The following S100A13 variants were observed in gnomAD, a reference collection of about 807,000 sequenced individuals.
The protein encoded by S100A13 is S100 calcium binding protein A13, also known as protein S100-A13.
Under a neutral mutation model 8.2 loss-of-function variants are expected in S100A13, and 6 were observed. The ratio of observed to expected loss-of-function variants is 0.73; its 90% CI spans 0.40 to 1.44. The LOEUF is 1.44. Ranked by LOEUF, S100A13 falls within the 40% of genes most tolerant of loss-of-function variation. S100A13 has a pLI of 0.02. For synonymous variants in S100A13, 39 were observed against 45.9 expected (o/e 0.85, Z 0.61); for missense variants, 114 against 113.6 (o/e 1.00, Z -0.02).
chr1:153,623,658 C>A (rs138610048), intron 2 of S100A13, among the ~76,000 whole-genome samples: 498 of 152,160 alleles, frequency 3.3e-3, no homozygotes, highest in Non-Finnish European at 5.9e-3. Context: ...AAAGGGAGAA[C>A]GTGGAAAGAT....
chr1:153,623,331 C>A (rs1300256167), intron 2 of S100A13, among the ~76,000 whole-genome samples: 1 of 151,246 alleles, frequency 6.6e-6, no homozygotes, highest in Admixed American at 6.6e-5. Flanking sequence ...CAGAAGACTG[C>A]TGATTTCGGG....
chr1:153,633,856 G>C (rs894215865), upstream of S100A13: 1 of 152,280 alleles, frequency 6.6e-6, no homozygotes, highest in Non-Finnish European at 1.5e-5. Flanking sequence ...ACTGGAACGT[G>C]AAGTCCCCGG....
intron 2 of S100A13, 113 bp downstream of exon 2, chr1:153,626,207 G>A: frequency 1.1e-6 from 1 of 929,936 alleles, no homozygotes; most frequent in Non-Finnish European, 1.7e-6. Context: ...GACACATGCA[G>A]CCACCCACAC....
At position 153,620,235 on chromosome 1, in the gene S100A13, A is replaced by G. The variant is rs530369363; in HGVS notation, c.154-1197T>C. On this transcript the variant is annotated intron_variant, in intron 2 of 2. Transcript: ENST00000476133. ...CTGGGAGGCGGAGGTTGTGGTGAGCAGAGATCGCGCCATTGCACTCCAGTC... is the reference window on the plus strand; with the variant it reads ...CTGGGAGGCGGAGGTTGTGGTGAGCGGAGATCGCGCCATTGCACTCCAGTC... Among the ~76,000 whole-genome samples the G allele has an allele frequency of 6.6e-5, 10 of 152,154 alleles. No individual in the cohort carries two copies. The East Asian group carries it at 1.7e-3, about 26-fold the overall frequency.
chr1:153,628,861 C>T, upstream of S100A13: 1 of 266,592 alleles, frequency 3.8e-6, no homozygotes, highest in Non-Finnish European at 7.3e-6. Flanking sequence ...GCCTCGCCTC[C>T]TGTGGGGTAA....
chr1:153,632,430 C>T (rs372962371), upstream of S100A13, among the ~76,000 whole-genome samples: 274 of 151,834 alleles, frequency 1.8e-3, 3 homozygotes, highest in African/African-American at 6.4e-3. Context: ...TGCCACCACG[C>T]CCGGCTAATT....
upstream of S100A13, among the ~76,000 whole-genome samples, chr1:153,632,801 G>A (rs1216526823): frequency 6.6e-6 from 1 of 152,170 alleles, no homozygotes; most frequent in African/African-American, 2.4e-5. Context: ...TGGAGCAGAG[G>A]AAGGGTTGCA....
intron 2 of S100A13, 120 bp from the exon 3 acceptor site, chr1:153,619,158 GCCCCTTCTCTAA>G: frequency 1.1e-6 from 1 of 891,706 alleles, no homozygotes; most frequent in Non-Finnish European, 1.7e-6. Context: ...AGTGGCACCT[GCCCCTTCTCTAA>G]AGAAGGAGGC....
intron 2 of S100A13, among the ~76,000 whole-genome samples, chr1:153,624,990 ACTTGAACCC>A (rs1667515568): frequency 6.6e-6 from 1 of 152,104 alleles, no homozygotes; most frequent in African/African-American, 2.4e-5. Flanking sequence ...TAAGAGAACC[ACTTGAACCC>A]AGGAGGCAGA....
rs145994352 is a variant in S100A13, at chr1:153,619,001, T to C, written c.191A>G (p.Asp64Gly). 2 of 1,613,954 alleles carry C rather than the reference T, an allele frequency of 1.2e-6. No individual in the cohort carries two copies. Among genetic ancestry groups the C allele is most frequent in the Non-Finnish European group, 8.5e-7 (1 of 1,179,922 alleles). Residue 64 changes from aspartate (D) to glycine (G), a missense_variant, in exon 3 of 3, where the codon GAT (aspartate) becomes GGT (glycine). Transcript: ENST00000476133. ...CTTGAGCTCCGAGTCCTGATTCACA[T>C]CCAAGCTCTTCATCTTCTCATCAAG... ...GSLDEKMKSL[D>G]VNQDSELKFN...
chr1:153,625,187 G>GA (rs1667534435), intron 2 of S100A13, among the ~76,000 whole-genome samples: 1 of 152,218 alleles, frequency 6.6e-6, no homozygotes, highest in African/African-American at 2.4e-5. Flanking sequence ...GCAATGAGCT[G>GA]TGATCGCACA....
At chr1:153,630,788 T>C, upstream of S100A13, 1 of 1,311,558 alleles carries the variant, frequency 7.6e-7, no homozygotes. Flanking sequence ...TTTCCCAGGC[T>C]TCTCTCCTGG....
chr1:153,632,517 C>T (rs375637562), upstream of S100A13, among the ~76,000 whole-genome samples: 117 of 152,094 alleles, frequency 7.7e-4, 2 homozygotes, highest in East Asian at 0.021. Context: ...GTGATCCCCC[C>T]GCCTCGGCCT....
At chr1:153,626,257 G>T in intron 2 of S100A13, 63 bp downstream of exon 2, 2 of 1,484,914 alleles carry the variant, frequency 1.3e-6, no homozygotes, top group Non-Finnish European at 1.9e-6. Flanking sequence ...GCACCATCAC[G>T]TCCTAAACAC....
upstream of S100A13, chr1:153,630,692 A>T (rs772875766): frequency 3.1e-6 from 5 of 1,611,036 alleles, no homozygotes. Flanking sequence ...GTGGGAGTGG[A>T]GTGGGTGAAG....
chr1:153,622,361 A>G (rs1667324861), intron 2 of S100A13, among the ~76,000 whole-genome samples: 1 of 152,226 alleles, frequency 6.6e-6, no homozygotes, highest in South Asian at 2.1e-4. Context: ...AAAGAGCAAG[A>G]TCCTTTCTCA....
upstream of S100A13, among the ~76,000 whole-genome samples, chr1:153,633,519 G>A (rs908653870): frequency 6.6e-6 from 1 of 152,208 alleles, no homozygotes; most frequent in Non-Finnish European, 1.5e-5. Context: ...TTGGGGAGGG[G>A]AGGAAGTGAG....
At chr1:153,630,778 T>C, upstream of S100A13, 1 of 1,363,216 alleles carries the variant, frequency 7.3e-7, no homozygotes, top group Non-Finnish European at 9.9e-7. Context: ...CTTTCTTTCC[T>C]TTCCCAGGCT....
chr1:153,619,532 T>C (rs1167109909), intron 2 of S100A13, among the ~76,000 whole-genome samples: 1 of 152,194 alleles, frequency 6.6e-6, no homozygotes. Context: ...CCTTGTGTCT[T>C]TTCATTTATC....
Sources: allele counts gnomAD v4.1 joint callset (sites outside exome capture counted in the v4.1 genomes callset), GRCh38; gene constraint gnomAD v4.1.1; transcripts MANE v1.5; gene names NCBI Gene and HGNC (gene_info 2026-07-23, HGNC 2026-07-21).